SPATS2L: variants seen among roughly 807,000 people sequenced by gnomAD.
The protein encoded by SPATS2L is SPATS2-like protein.
A neutral mutation model predicts 59.6 loss-of-function variants in SPATS2L; 30 were observed. The ratio of observed to expected loss-of-function variants is 0.50; its 90% CI spans 0.38 to 0.68. SPATS2L has a LOEUF of 0.68. Ranked by LOEUF, SPATS2L falls within the 30% of genes least tolerant of loss-of-function variation. SPATS2L has a pLI of 0.00. For synonymous variants in SPATS2L, 252 were observed against 263.5 expected (o/e 0.96, Z 0.42); for missense variants, 615 against 700.0 (o/e 0.88, Z 1.37).
chr2:200,462,914 A>T (rs1329433401), intron 9 of SPATS2L, among the ~76,000 whole-genome samples: 1 of 151,950 alleles, frequency 6.6e-6, no homozygotes, highest in African/African-American at 2.4e-5. Flanking sequence ...TAACGGAGAG[A>T]GACCCTGTAT....
chr2:200,480,018 C>G lies in SPATS2L; in HGVS notation c.*1987C>G. 3.0e-6 allele frequency: 1 copy of G among 328,448 alleles called. No homozygotes were observed. Among genetic ancestry groups the G allele is most frequent in the Non-Finnish European group, 5.5e-6 (1 of 182,238 alleles). The allele number at this position is 328,448 out of a possible 1,614,324, so 20.3% of individuals were successfully genotyped here. ...TCTGAGGCCCTGAATTCATATATTACAAGACGGAAGGATTTTGCACAGTTT... is the reference window on the plus strand; with the variant it reads ...TCTGAGGCCCTGAATTCATATATTAGAAGACGGAAGGATTTTGCACAGTTT... On this transcript the variant is annotated 3_prime_UTR_variant, in exon 13 of 13. Coordinates refer to ENST00000409140, the MANE Select transcript of SPATS2L (RefSeq NM_001100423.2).
intron 3 of SPATS2L, among the ~76,000 whole-genome samples, chr2:200,396,580 G>A (rs1574387132): frequency 6.6e-6 from 1 of 152,132 alleles, no homozygotes; most frequent in African/African-American, 2.4e-5. Context: ...AAATCTTTAT[G>A]TGGGGTGGAG....
chr2:200,471,408 G>A (rs879804352), intron 11 of SPATS2L, among the ~76,000 whole-genome samples: 19 of 152,118 alleles, frequency 1.2e-4, no homozygotes, highest in Non-Finnish European at 2.1e-4. Flanking sequence ...GATGCTGAGC[G>A]ATGCCCTGTC....
chr2:200,343,724 T>A (rs995946808), intron 2 of SPATS2L, among the ~76,000 whole-genome samples: 1 of 152,172 alleles, frequency 6.6e-6, no homozygotes, highest in Non-Finnish European at 1.5e-5. Flanking sequence ...GTATATGATG[T>A]CACAGTCATA....
intron 5 of SPATS2L, among the ~76,000 whole-genome samples, chr2:200,417,216 C>G (rs2083101468): frequency 6.6e-6 from 1 of 152,186 alleles, no homozygotes; most frequent in South Asian, 2.1e-4. Flanking sequence ...GGGAAGATCA[C>G]AGGCCTGCAA....
chr2:200,339,297 C>T (rs2080245378), intron 2 of SPATS2L, among the ~76,000 whole-genome samples: 1 of 151,624 alleles, frequency 6.6e-6, no homozygotes, highest in Non-Finnish European at 1.5e-5. Flanking sequence ...ATTTTTATTC[C>T]ACGATTCTTT....
intron 2 of SPATS2L, among the ~76,000 whole-genome samples, chr2:200,332,832 A>G (rs1049101246): frequency 1.3e-5 from 2 of 151,182 alleles, no homozygotes; most frequent in African/African-American, 4.9e-5. Context: ...AATATATATT[A>G]TATGCATCCA....
At chr2:200,441,121 T>C (rs1393105203) in intron 8 of SPATS2L, among the ~76,000 whole-genome samples, 1 of 152,170 alleles carries the variant, frequency 6.6e-6, no homozygotes, top group East Asian at 1.9e-4. Flanking sequence ...TGAATACTAC[T>C]AGGAAAACAA....
intron 2 of SPATS2L, chr2:200,378,124 G>A (rs975030275): frequency 3.6e-6 from 2 of 555,150 alleles, no homozygotes; most frequent in Non-Finnish European, 4.7e-6. Context: ...CTGAAGGTGA[G>A]TCTTTCTGTT....
chr2:200,480,066 A>C lies in SPATS2L; in HGVS notation c.*2035A>C, dbSNP rs1410964034. On this transcript the variant is annotated 3_prime_UTR_variant, in exon 13 of 13. Transcript: ENST00000409140. ...TTTTTTATGTAGCAAGATTTTGCTC[A>C]CCACTGAAAAATGTCAGTGTAAATG... 4 of 237,904 alleles carry C rather than the reference A, an allele frequency of 1.7e-5. No individual in the cohort carries two copies. Among genetic ancestry groups the C allele is most frequent in the Non-Finnish European group, 3.2e-5 (4 of 124,228 alleles). The allele number at this position is 237,904 out of a possible 1,614,324, so 14.7% of individuals were successfully genotyped here.
At chr2:200,353,849 T>G (rs754047533) in intron 2 of SPATS2L, among the ~76,000 whole-genome samples, 1 of 152,206 alleles carries the variant, frequency 6.6e-6, no homozygotes, top group Non-Finnish European at 1.5e-5. Flanking sequence ...TTGGCAGAAC[T>G]CTGGTCCTCT....
rs2079029291 is a variant in SPATS2L, at chr2:200,306,820, T to G, written c.-175T>G. 3 of 980,480 alleles carry G rather than the reference T, an allele frequency of 3.1e-6. No individual in the cohort carries two copies. The highest frequency in any genetic ancestry group is 9.4e-5 in the South Asian group (2 of 21,228). The allele number at this position is 980,480 out of a possible 1,614,324, so 60.7% of individuals were successfully genotyped here. ...GCAGCGGCTCCCGCTCGGCCCGCCC[T>G]CCGAGCCGCAGGGGCCGCCACCGCC... On this transcript the variant is annotated 5_prime_UTR_variant, in exon 1 of 13. Transcript: ENST00000409140.
At chr2:200,403,936 G>T (rs1182312264) in intron 3 of SPATS2L, among the ~76,000 whole-genome samples, 2 of 152,070 alleles carry the variant, frequency 1.3e-5, no homozygotes, top group Non-Finnish European at 2.9e-5. Context: ...CAGAGGAATG[G>T]TTTCCATAAA....
intron 2 of SPATS2L, among the ~76,000 whole-genome samples, chr2:200,363,758 A>G (rs886804427): frequency 6.6e-6 from 1 of 152,168 alleles, no homozygotes; most frequent in African/African-American, 2.4e-5. Context: ...GTCTCATTTC[A>G]TTGGCTGAGT....
intron 2 of SPATS2L, among the ~76,000 whole-genome samples, chr2:200,339,128 T>C (rs1318737949): frequency 6.6e-6 from 1 of 152,260 alleles, no homozygotes; most frequent in Non-Finnish European, 1.5e-5. Flanking sequence ...ATGTGAACTG[T>C]TGACTCGCAA....
chr2:200,416,464 T>C, intron 5 of SPATS2L, 36 bp downstream of exon 5: 1 of 1,213,054 alleles, frequency 8.2e-7, no homozygotes, highest in Non-Finnish European at 1.1e-6. Context: ...GGTAACATCT[T>C]CAATCAAAAC....
intron 1 of SPATS2L, among the ~76,000 whole-genome samples, chr2:200,318,890 G>A (rs145480348): frequency 7.5e-4 from 114 of 152,254 alleles, no homozygotes; most frequent in Non-Finnish European, 1.2e-3. Flanking sequence ...ATTTTATGAA[G>A]CCAAATAATG....
Position 200,311,906 on chromosome 2 carries a change from A to G in SPATS2L, c.-73+4984A>G, listed in dbSNP as rs148803756. Among the ~76,000 whole-genome samples the G allele has an allele frequency of 9.9e-4, 151 of 152,302 alleles. 1 individual carries two copies. The highest frequency in any genetic ancestry group is 3.6e-3 in the African/African-American group (150 of 41,572). ...ACTGAAAGGATTTGGATAAGATTTC[A>G]GTGTTATTGGGAATATAAGGATGGG... On this transcript the variant is annotated intron_variant, in intron 1 of 12. Transcript: ENST00000409140.
rs159430 is a variant in SPATS2L at position 200,370,064 on chromosome 2, G to A, written c.-22-19159G>A. 6.6e-5 allele frequency among the ~76,000 whole-genome samples: 10 copies of A among 152,314 alleles called. No individual in the cohort carries two copies. In the East Asian group the frequency reaches 1.9e-3, roughly 29 times the overall value. ...CGTCATGGACTGGGGCCACCTGGCCGGGATTGCATCACATGCCTTGCTCAC... is the reference window on the plus strand; with the variant it reads ...CGTCATGGACTGGGGCCACCTGGCCAGGATTGCATCACATGCCTTGCTCAC... On this transcript the variant is annotated intron_variant, in intron 2 of 12. Transcript: ENST00000409140.
Sources: allele counts gnomAD v4.1 joint callset (sites outside exome capture counted in the v4.1 genomes callset), GRCh38; gene constraint gnomAD v4.1.1; transcripts MANE v1.5; gene names NCBI Gene and HGNC (gene_info 2026-07-23, HGNC 2026-07-21).